Variants in LNPEP observed in about 807,000 individuals in gnomAD.
The protein encoded by LNPEP is leucyl and cystinyl aminopeptidase, also known as leucyl-cystinyl aminopeptidase.
A neutral mutation model predicts 120.6 loss-of-function variants in LNPEP; 64 were observed. That is an observed-to-expected ratio of 0.53 (90% CI 0.43 to 0.65). The LOEUF is 0.65. Ranked by LOEUF, LNPEP falls within the 30% of genes least tolerant of loss-of-function variation. The pLI, the probability that LNPEP is intolerant of heterozygous loss-of-function variation, is 0.00. For synonymous variants in LNPEP, 435 were observed against 425.4 expected (o/e 1.02, Z -0.28); for missense variants, 1,057 against 1,200.0 (o/e 0.88, Z 1.76).
At chr5:96,952,527 C>A (rs549230206) in intron 1 of LNPEP, among the ~76,000 whole-genome samples, 8 of 152,210 alleles carry the variant, frequency 5.3e-5, no homozygotes, top group Non-Finnish European at 1.0e-4. Flanking sequence ...TGGAATTGGG[C>A]AGCAAGTTTC....
chr5:96,937,524 A>G (rs1255195588), intron 1 of LNPEP: 1 of 152,226 alleles, frequency 6.6e-6, no homozygotes, highest in African/African-American at 2.4e-5. Flanking sequence ...ACTAGAGACC[A>G]TCTAGTACTT....
chr5:97,021,923 G>GTTTTTTTTTT lies in LNPEP; in HGVS notation c.2377-360_2377-351dup, dbSNP rs1165456605. On this transcript the variant is annotated intron_variant, in intron 13 of 17. Transcript: ENST00000231368. ...GGGTTTTTTTTGTTTTTTGTCTTTT[G>GTTTTTTTTTT]TTTTTTTTTTTTTTTTTTTTTTTTT... 2.4e-4 allele frequency among the ~76,000 whole-genome samples: 14 copies of GTTTTTTTTTT among 57,170 alleles called. 1 individual carries two copies. The highest frequency in any genetic ancestry group is 7.2e-4 in the East Asian group (1 of 1,384). 37.5% of individuals were successfully genotyped at this position (57,170 alleles called of 152,430 possible).
At chr5:96,948,807 T>G (rs1330449818) in intron 1 of LNPEP, among the ~76,000 whole-genome samples, 2 of 152,244 alleles carry the variant, frequency 1.3e-5, no homozygotes, top group Non-Finnish European at 2.9e-5. Flanking sequence ...TTTTTCTTTT[T>G]TTCCATTTTG....
At chr5:97,011,156 C>T (rs1790916672) in intron 11 of LNPEP, 2 of 985,238 alleles carry the variant, frequency 2.0e-6, no homozygotes, top group Non-Finnish European at 2.4e-6. Flanking sequence ...GCCATCATTT[C>T]TTGTCTCCTT....
intron 7 of LNPEP, among the ~76,000 whole-genome samples, chr5:96,996,922 T>C (rs1354663278): frequency 6.6e-6 from 1 of 152,118 alleles, no homozygotes; most frequent in Admixed American, 6.6e-5. Flanking sequence ...ATAGCAATAC[T>C]GTTTCTCTAT....
intron 8 of LNPEP, among the ~76,000 whole-genome samples, chr5:97,002,277 C>CA (rs1274607659): frequency 6.6e-6 from 1 of 151,704 alleles, no homozygotes; most frequent in Non-Finnish European, 1.5e-5. Flanking sequence ...AATGGGGGAA[C>CA]AAAAAAACAG....
chr5:96,998,785 G>A (rs531268859), intron 8 of LNPEP, among the ~76,000 whole-genome samples: 2 of 152,230 alleles, frequency 1.3e-5, no homozygotes, highest in African/African-American at 4.8e-5. Flanking sequence ...AAGTTCAGAT[G>A]GTTGGTACTT....
chr5:96,936,986 C>T (rs1001992785), intron 1 of LNPEP: 4 of 152,218 alleles, frequency 2.6e-5, no homozygotes, highest in Non-Finnish European at 5.9e-5. Flanking sequence ...TTTGTGCGGA[C>T]CAGAAGTGCC....
chr5:97,014,047 A>G (rs1307549039), intron 12 of LNPEP, among the ~76,000 whole-genome samples: 1 of 152,152 alleles, frequency 6.6e-6, no homozygotes, highest in Non-Finnish European at 1.5e-5. Context: ...ATTTAATAAT[A>G]ATTCAAGACT....
At chr5:96,951,414 C>T (rs1446586529) in intron 1 of LNPEP, among the ~76,000 whole-genome samples, 2 of 152,086 alleles carry the variant, frequency 1.3e-5, no homozygotes, top group Admixed American at 1.3e-4. Flanking sequence ...GCCCACACCA[C>T]GCCTGGCTAA....
chr5:96,945,656 A>G (rs1170596880), intron 1 of LNPEP, among the ~76,000 whole-genome samples: 2 of 152,174 alleles, frequency 1.3e-5, no homozygotes, highest in Non-Finnish European at 2.9e-5. Context: ...AATGCTGGTC[A>G]GTTGTGCCAG....
chr5:96,987,554 T>G (rs1221769591), intron 4 of LNPEP, among the ~76,000 whole-genome samples: 1 of 152,188 alleles, frequency 6.6e-6, no homozygotes, highest in Non-Finnish European at 1.5e-5. Flanking sequence ...GGGTATATGT[T>G]TCCTATTAGA....
chr5:97,010,811 T>C (rs1790907706), intron 11 of LNPEP: 1 of 985,454 alleles, frequency 1.0e-6, no homozygotes. Context: ...GTTTGAGCTG[T>C]AGGATGTAGT....
At position 97,028,436 on chromosome 5, in the gene LNPEP, C is replaced by A; in HGVS notation, c.2981C>A (p.Thr994Asn). ...QAFFENQSEA[T>N]FRLRCVQEAL... ...TTCTTTGAAAATCAGTCAGAGGCAA[C>A]CTTCCGGCTTCGTTGTGTCCAGGAG... The change falls in exon 18 of 18, where the codon ACC becomes AAC. Residue 994 changes from threonine to asparagine, a missense_variant. Transcript: ENST00000231368. The A allele has an allele frequency of 3.1e-6, 5 of 1,613,902 alleles. No individual in the cohort carries two copies. The highest frequency in any genetic ancestry group is 4.2e-6 in the Non-Finnish European group (5 of 1,179,790).
At chr5:96,973,037 A>G (rs1789906915) in intron 1 of LNPEP, among the ~76,000 whole-genome samples, 1 of 152,148 alleles carries the variant, frequency 6.6e-6, no homozygotes, top group South Asian at 2.1e-4. Context: ...ACATGTTCAT[A>G]TTTTATGCCA....
chr5:96,989,864 CT>C (rs1790354388), intron 4 of LNPEP, among the ~76,000 whole-genome samples: 2 of 152,014 alleles, frequency 1.3e-5, no homozygotes. Context: ...ACATTTTTTC[CT>C]AATCATTGTA....
At position 96,939,604 on chromosome 5, in the gene LNPEP, GT is replaced by G. The variant is rs1018169585; in HGVS notation, c.19+3440del. On this transcript the variant is annotated intron_variant, in intron 1 of 17. Coordinates refer to ENST00000231368, the MANE Select transcript of LNPEP (RefSeq NM_005575.3). ...GGTCCCAGAACTGAAAACATAAATA[GT>G]TTTTTTTTTCATATGAATGTAGGTC... Among the ~76,000 whole-genome samples the G allele has an allele frequency of 2.8e-3, 367 of 129,344 alleles. 4 individuals carry two copies. The highest frequency in any genetic ancestry group is 9.4e-3 in the African/African-American group (322 of 34,242). 84.9% of individuals were successfully genotyped at this position (129,344 alleles called of 152,430 possible).
At chr5:96,956,305 A>G (rs1324909139) in intron 1 of LNPEP, among the ~76,000 whole-genome samples, 1 of 152,194 alleles carries the variant, frequency 6.6e-6, no homozygotes, top group African/African-American at 2.4e-5. Flanking sequence ...TTTTTTATTA[A>G]GAAATCCATG....
In LNPEP at chr5:96,948,091, A is replaced by G. The variant is rs115736314; in HGVS notation, c.19+11917A>G. On this transcript the variant is annotated intron_variant, in intron 1 of 17. Coordinates refer to ENST00000231368, the MANE Select transcript of LNPEP (RefSeq NM_005575.3). ...GGGCAGTGGTGATCCGGGAAGAAGC[A>G]TAGTGTAAACATTTTAATACAAATT... is the stretch of plus-strand genomic sequence containing the variant. Among the ~76,000 whole-genome samples, 1,401 of 151,968 alleles carry G rather than the reference A, an allele frequency of 9.2e-3. 24 individuals are homozygous for G. The highest frequency in any genetic ancestry group is 0.032 in the African/African-American group (1,317 of 41,494).
Sources: allele counts gnomAD v4.1 joint callset (sites outside exome capture counted in the v4.1 genomes callset), GRCh38; gene constraint gnomAD v4.1.1; transcripts MANE v1.5; gene names NCBI Gene and HGNC (gene_info 2026-07-23, HGNC 2026-07-21).